The following RNF17 variants were observed in gnomAD, a reference collection of about 807,000 sequenced individuals.
RNF17 encodes spermatogenesis associated 23.
In RNF17, 31 loss-of-function variants were observed where a neutral mutation model predicts 200.5. The observed-to-expected ratio is 0.15, with a 90% confidence interval of 0.12 to 0.21. The LOEUF (loss-of-function observed/expected upper bound fraction) is 0.21. Ranked by LOEUF, RNF17 falls within the 10% of genes least tolerant of loss-of-function variation. RNF17 has a pLI of 1.00. For synonymous variants in RNF17, 606 were observed against 637.8 expected (o/e 0.95, Z 0.75); for missense variants, 1,628 against 1,905.1 (o/e 0.85, Z 2.71).
intron 30 of RNF17, among the ~76,000 whole-genome samples, chr13:24,866,425 C>T (rs887928233): frequency 4.6e-5 from 7 of 152,282 alleles, no homozygotes; most frequent in African/African-American, 1.7e-4. Context: ...AGCCCTGTAC[C>T]AGCAGCAGTC....
chr13:24,790,330 C>CT (rs566154633), intron 9 of RNF17, among the ~76,000 whole-genome samples: 254 of 152,216 alleles, frequency 1.7e-3, no homozygotes, highest in African/African-American at 5.7e-3. Context: ...ATTCCATTCT[C>CT]TATGTCCCCA....
intron 31 of RNF17, 53 bp downstream of exon 31, chr13:24,868,769 G>C: frequency 3.1e-6 from 3 of 967,464 alleles, no homozygotes. Context: ...AGCTGTCTTG[G>C]TCTTAAACAC....
chr13:24,884,045 G>GAAAC (rs774947529), downstream of RNF17: 4 of 1,614,028 alleles, frequency 2.5e-6, no homozygotes, highest in Non-Finnish European at 3.4e-6. Flanking sequence ...GTCTGGTCAG[G>GAAAC]AAACGTGATT....
At chr13:24,867,848 A>C (rs1893790327) in intron 30 of RNF17, among the ~76,000 whole-genome samples, 1 of 146,894 alleles carries the variant, frequency 6.8e-6, no homozygotes, top group Non-Finnish European at 1.5e-5. Context: ...TTTTAACTTA[A>C]ATTTTCTTTT....
intron 17 of RNF17, among the ~76,000 whole-genome samples, chr13:24,831,443 A>G (rs536927721): frequency 1.3e-5 from 2 of 152,296 alleles, no homozygotes; most frequent in Admixed American, 6.5e-5. Flanking sequence ...CTCGGTCTCA[A>G]AGAAAAAAAA....
chr13:24,825,459 A>T (rs1177654711), intron 15 of RNF17, among the ~76,000 whole-genome samples, 160 bp from the exon 16 acceptor site: 2 of 152,192 alleles, frequency 1.3e-5, no homozygotes, highest in Non-Finnish European at 2.9e-5. Context: ...CTGGTTCTGC[A>T]ATAAAATTTT....
At chr13:24,856,335 G>A (rs1260526745) in intron 25 of RNF17, among the ~76,000 whole-genome samples, 3 of 149,090 alleles carry the variant, frequency 2.0e-5, no homozygotes, top group Non-Finnish European at 4.4e-5. Context: ...CAGAAGAATC[G>A]TTTGAACCTG....
chr13:24,848,037 A>T (rs974219841), intron 22 of RNF17, among the ~76,000 whole-genome samples: 2 of 152,244 alleles, frequency 1.3e-5, no homozygotes, highest in Admixed American at 1.3e-4. Context: ...AATAATAGCT[A>T]ACCTTTAAGA....
chr13:24,862,196 T>C (rs1353668856), intron 27 of RNF17, among the ~76,000 whole-genome samples: 13 of 152,160 alleles, frequency 8.5e-5, no homozygotes, highest in Admixed American at 8.5e-4. Context: ...TCATGGTCCC[T>C]TGTGATACTG....
chr13:24,879,292 A>G lies in RNF17; in HGVS notation c.*7A>G, dbSNP rs374584524. On this transcript the variant is annotated 3_prime_UTR_variant, in exon 35 of 36. Coordinates refer to ENST00000255324, the MANE Select transcript of RNF17 (RefSeq NM_031277.3). ...TGCAGATAAAGATGAATAAGTGCCT[A>G]AGTGTAAGTTCTCATTCTCTTCATA... The G allele has an allele frequency of 2.9e-5, 45 of 1,574,164 alleles. No individual in the cohort carries two copies. In the African/African-American group the frequency reaches 4.7e-4, roughly 17 times the overall value.
At chr13:24,766,017 C>G (rs890043460) in intron 1 of RNF17, among the ~76,000 whole-genome samples, 1 of 152,294 alleles carries the variant, frequency 6.6e-6, no homozygotes, top group Admixed American at 6.5e-5. Flanking sequence ...CACTTGAGGT[C>G]GGGAGATCAA....
chr13:24,859,747 G>A (rs1892901935), intron 26 of RNF17, among the ~76,000 whole-genome samples: 1 of 152,040 alleles, frequency 6.6e-6, no homozygotes, highest in Non-Finnish European at 1.5e-5. Context: ...AAAAACTTAA[G>A]TGAAAAAGTC....
intron 15 of RNF17, among the ~76,000 whole-genome samples, chr13:24,818,283 G>A (rs562776634): frequency 5.9e-5 from 9 of 152,140 alleles, no homozygotes; most frequent in African/African-American, 2.2e-4. Flanking sequence ...AAGACATTTT[G>A]CAGCCTAACA....
chr13:24,754,246 T>G, the RNF17 span, among the ~76,000 whole-genome samples: 10 of 152,296 alleles, frequency 6.6e-5, no homozygotes, highest in East Asian at 1.7e-3. Context: ...ATTCTTGGTT[T>G]AATCCAGTTC....
rs1055182808 is a variant in RNF17 at position 24,800,305 on chromosome 13, G to A, written c.1590-61G>A. The A allele has an allele frequency of 2.5e-6, 3 of 1,223,364 alleles. No individual in the cohort carries two copies. The African/African-American group carries it at 4.5e-5, about 19-fold the overall frequency. The allele number at this position is 1,223,364 out of a possible 1,614,324, so 75.8% of individuals were successfully genotyped here. A position where few individuals can be genotyped will look rare whatever the true frequency, so the allele number is the denominator to read the frequency against. On this transcript the variant is annotated intron_variant, in intron 12 of 35. Transcript: ENST00000255324. Reference sequence around the variant, plus strand: ...ACTTAGAAATGCATACCTTCTGTGGGGGAAAACAAATTTAAGTTTGAAGCA... The same window carrying A: ...ACTTAGAAATGCATACCTTCTGTGGAGGAAAACAAATTTAAGTTTGAAGCA...
intron 15 of RNF17, among the ~76,000 whole-genome samples, chr13:24,821,339 T>G (rs1888026087): frequency 6.7e-6 from 1 of 148,770 alleles, no homozygotes; most frequent in Non-Finnish European, 1.5e-5. Context: ...AACATATCTT[T>G]GGGGGAAGAT....
In RNF17 at chr13:24,827,715, AAAC is replaced by A. The variant is rs1197690019; in HGVS notation, c.2245+1946_2245+1948del. Among the ~76,000 whole-genome samples the A allele has an allele frequency of 2.9e-3, 278 of 94,872 alleles. 73 individuals are homozygous for A. Among genetic ancestry groups the A allele is most frequent in the Middle Eastern group, 0.011 (2 of 190 alleles). 62.2% of individuals were successfully genotyped at this position (94,872 alleles called of 152,430 possible). A position where few individuals can be genotyped will look rare whatever the true frequency, so the allele number is the denominator to read the frequency against. On this transcript the variant is annotated intron_variant, in intron 16 of 35. Transcript: ENST00000255324. Reference sequence around the variant, plus strand: ...AGACTCCGTCTCAAAAAAAAAAAAAAAACAAAAAAAAAAAAACAATAGAAATTT... The same window carrying A: ...AGACTCCGTCTCAAAAAAAAAAAAAAAAAAAAAAAAAAACAATAGAAATTT...
chr13:24,856,631 C>G (rs1312850563), intron 25 of RNF17, among the ~76,000 whole-genome samples: 3 of 152,090 alleles, frequency 2.0e-5, no homozygotes, highest in Non-Finnish European at 4.4e-5. Flanking sequence ...TCCACACATT[C>G]CCCACTGATC....
chr13:24,853,346 A>T (rs1019324787), intron 24 of RNF17, among the ~76,000 whole-genome samples: 5 of 152,046 alleles, frequency 3.3e-5, no homozygotes, highest in African/African-American at 1.2e-4. Flanking sequence ...TATTTTTTTT[A>T]ATTGGAAGGG....
Sources: allele counts gnomAD v4.1 joint callset (sites outside exome capture counted in the v4.1 genomes callset), GRCh38; gene constraint gnomAD v4.1.1; transcripts MANE v1.5; gene names NCBI Gene and HGNC (gene_info 2026-07-23, HGNC 2026-07-21).